USP46: variants seen among roughly 807,000 people sequenced by gnomAD.
USP46 encodes ubiquitin carboxyl-terminal hydrolase 46.
A neutral mutation model predicts 44.4 loss-of-function variants in USP46; 12 were observed. That is an observed-to-expected ratio of 0.27 (90% CI 0.17 to 0.44). The LOEUF (loss-of-function observed/expected upper bound fraction) is 0.44. USP46 is among the 20% of genes least tolerant of loss of function. The probability of loss-of-function intolerance (pLI) is 1.00; values close to 1 mark genes in which losing one functional copy is unlikely to be tolerated. For missense variants in USP46, 248 were observed against 444.8 expected (o/e 0.56, Z 3.98); for synonymous variants, 155 against 161.5 (o/e 0.96, Z 0.31).
chr4:52,639,123 T>C (rs948698925), intron 1 of USP46, among the ~76,000 whole-genome samples: 1 of 152,202 alleles, frequency 6.6e-6, no homozygotes, highest in Non-Finnish European at 1.5e-5. Flanking sequence ...ACAGACATGA[T>C]GGGGAATGTT....
rs1192070074 is a variant in USP46, at chr4:52,594,555, T to C, written c.*3085A>G. 6.6e-6 allele frequency: 1 copy of C among 152,156 alleles called. No individual in the cohort carries two copies. Among genetic ancestry groups the C allele is most frequent in the Non-Finnish European group, 1.5e-5 (1 of 68,014 alleles). 9.4% of individuals were successfully genotyped at this position (152,156 alleles called of 1,614,324 possible). On this transcript the variant is annotated 3_prime_UTR_variant, in exon 9 of 9. Transcript: ENST00000441222. ...TATAATAGCAAACAAGGGCAAAACA[T>C]TTAGTGCACAATATTTTAATACACG... is the stretch of plus-strand genomic sequence containing the variant.
At chr4:52,609,898 CTTTTTTTTTTTTTTTTTTTTTTTTTT>C (rs66817554) in intron 5 of USP46, among the ~76,000 whole-genome samples, 188 of 24,590 alleles carry the variant, frequency 7.6e-3, no homozygotes, top group South Asian at 0.02. Flanking sequence ...AATTCTATTT[CTTTTTTTTTTTTTTTTTTTTTTTTTT>C]TTTTTTTTTT....
At chr4:52,632,918 G>GACAAAGAAAGAAAGAA (rs34224846) in intron 1 of USP46, among the ~76,000 whole-genome samples, 1 of 35,176 alleles carries the variant, frequency 2.8e-5, no homozygotes, top group Non-Finnish European at 6.3e-5. Context: ...AAGAAAGAAA[G>GACAAAGAAAGAAAGAA]AGAAAGAAAG....
At chr4:52,646,972 T>C (rs1718569782) in intron 1 of USP46, among the ~76,000 whole-genome samples, 1 of 152,166 alleles carries the variant, frequency 6.6e-6, no homozygotes, top group African/African-American at 2.4e-5. Flanking sequence ...CAAATGCAAA[T>C]CCATTTTTAG....
intron 4 of USP46, 79 bp downstream of exon 4, chr4:52,625,939 T>C (rs1206873648): frequency 1.5e-6 from 2 of 1,331,390 alleles, no homozygotes; most frequent in South Asian, 1.4e-5. Flanking sequence ...AATGCTATAA[T>C]ACGACATTGC....
At chr4:52,623,433 G>A (rs755499720) in intron 4 of USP46, among the ~76,000 whole-genome samples, 12 of 152,076 alleles carry the variant, frequency 7.9e-5, no homozygotes, top group South Asian at 2.1e-4. Context: ...GACAGAGGGC[G>A]ATAAAGTATA....
Position 52,621,273 on chromosome 4 carries a change from C to T in USP46, c.561+4745G>A, listed in dbSNP as rs539321584. On this transcript the variant is annotated intron_variant, in intron 4 of 8. Transcript: ENST00000441222. ...ATAGTGGCAAAAAAATCCTAAAAAT[C>T]GTAGATCTCACAATCCAACAATGTA... Among the ~76,000 whole-genome samples, 12 of 152,198 alleles carry T rather than the reference C, an allele frequency of 7.9e-5. No individual in the cohort carries two copies. In the South Asian group the frequency reaches 2.3e-3, roughly 29 times the overall value.
chr4:52,643,355 GC>G (rs1718422097), intron 1 of USP46, among the ~76,000 whole-genome samples: 1 of 152,154 alleles, frequency 6.6e-6, no homozygotes, highest in Non-Finnish European at 1.5e-5. Flanking sequence ...GCAAATTACA[GC>G]CTATGGGCAG....
At chr4:52,601,815 C>T in intron 7 of USP46, 42 bp downstream of exon 7, 1 of 1,591,586 alleles carries the variant, frequency 6.3e-7, no homozygotes, top group Non-Finnish European at 8.5e-7. Flanking sequence ...AGAGGCAACC[C>T]TTACACTTAC....
At chr4:52,634,337 T>C (rs527846683) in intron 1 of USP46, among the ~76,000 whole-genome samples, 146 of 149,982 alleles carry the variant, frequency 9.7e-4, no homozygotes, top group African/African-American at 3.4e-3. Context: ...GGTAAAACCC[T>C]GTCTCTACTA....
At chr4:52,656,640 C>CT in intron 1 of USP46, 2 of 1,112,578 alleles carry the variant, frequency 1.8e-6, no homozygotes, top group South Asian at 6.2e-5. Flanking sequence ...TAGCCATGTA[C>CT]CAGGCCCTGT....
intron 4 of USP46, among the ~76,000 whole-genome samples, chr4:52,613,078 G>A (rs1444256718): frequency 6.6e-6 from 1 of 152,134 alleles, no homozygotes; most frequent in East Asian, 1.9e-4. Flanking sequence ...AAGCACATGG[G>A]GAGTCCACAC....
intron 7 of USP46, among the ~76,000 whole-genome samples, chr4:52,599,582 A>G (rs920023564): frequency 6.6e-6 from 1 of 152,190 alleles, no homozygotes; most frequent in African/African-American, 2.4e-5. Context: ...ATGCATAGTA[A>G]CAAGTGTTAA....
At chr4:52,655,726 C>A (rs894156674) in intron 1 of USP46, among the ~76,000 whole-genome samples, 23 of 152,336 alleles carry the variant, frequency 1.5e-4, no homozygotes, top group African/African-American at 5.3e-4. Flanking sequence ...ACAAGCTTTA[C>A]TATCTCTGAA....
rs1234651860 is a variant in USP46 at position 52,630,526 on chromosome 4, A to G, written c.117+538T>C. Among the ~76,000 whole-genome samples, 3 of 152,286 alleles carry G rather than the reference A, an allele frequency of 2.0e-5. No individual in the cohort carries two copies. The South Asian group carries it at 6.2e-4, about 32-fold the overall frequency. On this transcript the variant is annotated intron_variant, in intron 2 of 8. Coordinates refer to ENST00000441222, the MANE Select transcript of USP46 (RefSeq NM_022832.4). ...TCCCCACACTTTGGGAGGCCGAAGCAGGTGGATCACCTGAGGTCTGGAGCT... is the reference window on the plus strand; with the variant it reads ...TCCCCACACTTTGGGAGGCCGAAGCGGGTGGATCACCTGAGGTCTGGAGCT...
At chr4:52,626,574 T>C (rs934723553) in intron 3 of USP46, among the ~76,000 whole-genome samples, 3 of 152,146 alleles carry the variant, frequency 2.0e-5, no homozygotes, top group Non-Finnish European at 4.4e-5. Context: ...TTGCCCACCC[T>C]GGCCTCCCAA....
At chr4:52,633,695 T>C (rs1172139385) in intron 1 of USP46, among the ~76,000 whole-genome samples, 1 of 152,148 alleles carries the variant, frequency 6.6e-6, no homozygotes, top group Non-Finnish European at 1.5e-5. Flanking sequence ...CATATTCAAG[T>C]TATGGAAATT....
At chr4:52,656,378 T>G (rs745488841) in intron 1 of USP46, 1 of 1,541,820 alleles carries the variant, frequency 6.5e-7, no homozygotes, top group South Asian at 1.2e-5. Flanking sequence ...AAGACAGCAG[T>G]TTCCTCATAC....
chr4:52,592,757 TG>T lies in USP46; in HGVS notation c.*4882del, dbSNP rs1031518231. The T allele has an allele frequency of 7.6e-6, 3 of 397,274 alleles. No homozygotes were observed. The highest frequency in any genetic ancestry group is 6.2e-5 in the African/African-American group (3 of 48,584). The allele number at this position is 397,274 out of a possible 1,614,324, so 24.6% of individuals were successfully genotyped here. ...GGGAGGCTGAGGCAGAAGAATCGCT[TG>T]AACTCGGGAGGCAGAGGTTGCAGTG... On this transcript the variant is annotated 3_prime_UTR_variant, in exon 9 of 9. Transcript: ENST00000441222.
Sources: allele counts gnomAD v4.1 joint callset (sites outside exome capture counted in the v4.1 genomes callset), GRCh38; gene constraint gnomAD v4.1.1; transcripts MANE v1.5; gene names NCBI Gene and HGNC (gene_info 2026-07-23, HGNC 2026-07-21).